The following ZBTB16 variants were observed in gnomAD, a reference collection of about 807,000 sequenced individuals.
The protein encoded by ZBTB16 is zinc finger and BTB domain-containing protein 16.
ZBTB16 carries 8 observed loss-of-function variants against 56.8 expected under a neutral mutation model. That is an observed-to-expected ratio of 0.14 (90% CI 0.08 to 0.25). The LOEUF (loss-of-function observed/expected upper bound fraction) is 0.25. Among genes scored for constraint, ZBTB16 ranks in the 10% least tolerant of loss-of-function variants. The pLI is 1.00. For synonymous variants in ZBTB16, 363 were observed against 368.5 expected (o/e 0.98, Z 0.17); for missense variants, 625 against 903.0 (o/e 0.69, Z 3.95).
At chr11:114,080,916 C>T (rs1005098689) in intron 2 of ZBTB16, among the ~76,000 whole-genome samples, 7 of 152,190 alleles carry the variant, frequency 4.6e-5, no homozygotes, top group African/African-American at 1.4e-4. Flanking sequence ...GCTTTGCAGG[C>T]GTGGGCTCTC....
At chr11:114,140,719 G>A (rs1045275586) in intron 2 of ZBTB16, among the ~76,000 whole-genome samples, 1 of 152,292 alleles carries the variant, frequency 6.6e-6, no homozygotes, top group African/African-American at 2.4e-5. Context: ...ACCTGTGCTC[G>A]GGAGTAGATG....
intron 3 of ZBTB16, among the ~76,000 whole-genome samples, chr11:114,174,703 T>C (rs1943062006): frequency 6.6e-6 from 1 of 152,206 alleles, no homozygotes. Flanking sequence ...CTGTCACAAA[T>C]GTGATAATCA....
At chr11:114,238,311 T>C (rs1254835513) in intron 4 of ZBTB16, among the ~76,000 whole-genome samples, 2 of 152,208 alleles carry the variant, frequency 1.3e-5, no homozygotes, top group East Asian at 3.8e-4. Context: ...CCACTCGTCT[T>C]AGTCAAGTCA....
chr11:114,063,157 A>G lies in ZBTB16; in HGVS notation c.-90-54A>G. 1 of 902,450 alleles carries G rather than the reference A, an allele frequency of 1.1e-6. No individual in the cohort carries two copies. The highest frequency in any genetic ancestry group is 1.7e-6 in the Non-Finnish European group (1 of 584,088). The allele number at this position is 902,450 out of a possible 1,614,324, so 55.9% of individuals were successfully genotyped here. A position where few individuals can be genotyped will look rare whatever the true frequency, so the allele number is the denominator to read the frequency against. Reference sequence around the variant, plus strand: ...TTCTTACTTTTAGGGACACTGATGAATTTGTCTTTTGTTCTCTCATCTCTT... The same window carrying G: ...TTCTTACTTTTAGGGACACTGATGAGTTTGTCTTTTGTTCTCTCATCTCTT... On this transcript the variant is annotated intron_variant, in intron 1 of 6. Transcript: ENST00000335953. This position sits in a 1 kb window ranked among gnomAD's most constrained non-coding sequence, Gnocchi z 6.5.
At chr11:114,088,760 A>C (rs1940062303) in intron 2 of ZBTB16, among the ~76,000 whole-genome samples, 1 of 152,216 alleles carries the variant, frequency 6.6e-6, no homozygotes, top group Non-Finnish European at 1.5e-5. Context: ...AGGTATTGTT[A>C]AAGCAGAGTC....
chr11:114,105,295 C>T (rs577368355), intron 2 of ZBTB16, among the ~76,000 whole-genome samples: 35 of 151,132 alleles, frequency 2.3e-4, no homozygotes, highest in African/African-American at 8.3e-4. Flanking sequence ...GGCTGGAATG[C>T]GCTGGCACGA....
At chr11:114,206,689 G>GCTAA (rs1256505704) in intron 4 of ZBTB16, among the ~76,000 whole-genome samples, 2 of 152,240 alleles carry the variant, frequency 1.3e-5, no homozygotes, top group African/African-American at 4.8e-5. Context: ...CTTTCAGAAA[G>GCTAA]CTAACTATTG....
At chr11:114,106,025 T>C (rs1940775573) in intron 2 of ZBTB16, among the ~76,000 whole-genome samples, 1 of 152,338 alleles carries the variant, frequency 6.6e-6, no homozygotes, top group Non-Finnish European at 1.5e-5. Flanking sequence ...GCTTTTAAAA[T>C]AAAAGTAGCA....
chr11:114,204,417 G>A (rs1177566866), intron 4 of ZBTB16, among the ~76,000 whole-genome samples: 1 of 152,176 alleles, frequency 6.6e-6, no homozygotes, highest in Non-Finnish European at 1.5e-5. Flanking sequence ...TGGGATTACA[G>A]GTGTGAGCCA....
chr11:114,105,335 G>A lies in ZBTB16; in HGVS notation c.1268+40767G>A, dbSNP rs1940753171. Among the ~76,000 whole-genome samples, 3 of 151,856 alleles carry A rather than the reference G, an allele frequency of 2.0e-5. 1 individual carries two copies. The South Asian group carries it at 6.2e-4, about 31-fold the overall frequency. On this transcript the variant is annotated intron_variant, in intron 2 of 6. Transcript: ENST00000335953. ...GGCTCACTGCAACTTCCACCTCCTGGGTCCAAGCAATTCTCCTGCCTCAGC... is the reference window on the plus strand; with the variant it reads ...GGCTCACTGCAACTTCCACCTCCTGAGTCCAAGCAATTCTCCTGCCTCAGC...
intron 2 of ZBTB16, among the ~76,000 whole-genome samples, chr11:114,074,819 C>T (rs371165044): frequency 2.0e-5 from 3 of 152,362 alleles, no homozygotes; most frequent in South Asian, 2.1e-4. Context: ...ATAACCTGTG[C>T]GGGCCGGGGA....
In ZBTB16 at chr11:114,139,291, G is replaced by C. The variant is rs552786718; in HGVS notation, c.1269-17046G>C. ...CACACTGATCCCCAGTCCTGAAGGGGATGGGGGCTGCCGCTAATTCCCTGG... is the reference window on the plus strand; with the variant it reads ...CACACTGATCCCCAGTCCTGAAGGGCATGGGGGCTGCCGCTAATTCCCTGG... On this transcript the variant is annotated intron_variant, in intron 2 of 6. Transcript: ENST00000335953. 3.3e-5 allele frequency among the ~76,000 whole-genome samples: 5 copies of C among 152,296 alleles called. No individual in the cohort carries two copies. The East Asian group carries it at 9.7e-4, about 29-fold the overall frequency.
chr11:114,201,922 C>T (rs1943745575), intron 4 of ZBTB16, among the ~76,000 whole-genome samples: 1 of 152,202 alleles, frequency 6.6e-6, no homozygotes, highest in South Asian at 2.1e-4. Context: ...ATATCACCTT[C>T]AAGTCTCATT....
chr11:114,247,609 C>G (rs989321257), intron 6 of ZBTB16, among the ~76,000 whole-genome samples: 1 of 152,174 alleles, frequency 6.6e-6, no homozygotes, highest in Non-Finnish European at 1.5e-5. Flanking sequence ...TTCCAGTGAG[C>G]CCCCATCAGC....
chr11:114,205,916 GT>G (rs1943859367), intron 4 of ZBTB16, among the ~76,000 whole-genome samples: 2 of 152,164 alleles, frequency 1.3e-5, no homozygotes, highest in African/African-American at 4.8e-5. Context: ...AGCACCAAGG[GT>G]TTTTCTATTT....
At chr11:114,191,983 C>T (rs1398512483) in intron 4 of ZBTB16, among the ~76,000 whole-genome samples, 1 of 152,144 alleles carries the variant, frequency 6.6e-6, no homozygotes, top group Non-Finnish European at 1.5e-5. Context: ...TGTAACAAAC[C>T]ACTCCAATAG....
intron 3 of ZBTB16, among the ~76,000 whole-genome samples, chr11:114,171,332 T>C (rs925206850): frequency 6.6e-6 from 1 of 152,184 alleles, no homozygotes; most frequent in Non-Finnish European, 1.5e-5. Context: ...TGGGGAAACA[T>C]TCCTAGACAT....
At chr11:114,132,919 CT>C (rs1421140431) in intron 2 of ZBTB16, among the ~76,000 whole-genome samples, 1 of 151,942 alleles carries the variant, frequency 6.6e-6, no homozygotes, top group Non-Finnish European at 1.5e-5. Context: ...TATTTATAGC[CT>C]GGTGTAAGTA....
At chr11:114,105,824 T>C (rs1200571732) in intron 2 of ZBTB16, among the ~76,000 whole-genome samples, 1 of 152,182 alleles carries the variant, frequency 6.6e-6, no homozygotes, top group Non-Finnish European at 1.5e-5. Context: ...ATTTGGACAG[T>C]AGTTCTGGGG....
Sources: allele counts gnomAD v4.1 joint callset (sites outside exome capture counted in the v4.1 genomes callset), GRCh38; gene constraint gnomAD v4.1.1; non-coding constraint Gnocchi (gnomAD v3.1); transcripts MANE v1.5; gene names NCBI Gene and HGNC (gene_info 2026-07-23, HGNC 2026-07-21).